The following SMAP1 variants were observed in gnomAD, a reference collection of about 807,000 sequenced individuals.
SMAP1 encodes the protein stromal membrane-associated protein 1.
SMAP1 carries 24 observed loss-of-function variants against 58.5 expected under a neutral mutation model. That is an observed-to-expected ratio of 0.41 (90% CI 0.30 to 0.58). SMAP1 has a LOEUF of 0.58. Among genes scored for constraint, SMAP1 ranks in the 20% least tolerant of loss-of-function variants. The pLI is 0.29. For missense variants in SMAP1, 563 were observed against 566.3 expected (o/e 0.99, Z 0.06); for synonymous variants, 216 against 196.6 (o/e 1.10, Z -0.82).
intron 4 of SMAP1, among the ~76,000 whole-genome samples, chr6:70,773,974 A>G (rs116976388): frequency 2.0e-5 from 3 of 152,204 alleles, no homozygotes; most frequent in Non-Finnish European, 4.4e-5. Context: ...CGTTGGTCCT[A>G]TAAGTTTATA....
chr6:70,710,805 A>G (rs1768026443), intron 1 of SMAP1, among the ~76,000 whole-genome samples: 1 of 152,202 alleles, frequency 6.6e-6, no homozygotes, highest in Non-Finnish European at 1.5e-5. Flanking sequence ...GTACAGCTAT[A>G]CAAGGCATTT....
intron 6 of SMAP1, among the ~76,000 whole-genome samples, chr6:70,816,754 A>G (rs1056322213): frequency 1.3e-4 from 20 of 152,220 alleles, no homozygotes; most frequent in Non-Finnish European, 2.6e-4. Context: ...AGTAGTTGTC[A>G]CTACCACTGC....
intron 1 of SMAP1, among the ~76,000 whole-genome samples, chr6:70,679,849 C>T (rs1254228684): frequency 1.3e-5 from 2 of 152,040 alleles, no homozygotes; most frequent in Admixed American, 6.6e-5. Context: ...AGTCAGAATC[C>T]CAGAAGGCTT....
chr6:70,712,985 G>A (rs1284697348), intron 1 of SMAP1, among the ~76,000 whole-genome samples: 5 of 151,482 alleles, frequency 3.3e-5, no homozygotes, highest in African/African-American at 1.2e-4. Flanking sequence ...TAGAGATGGG[G>A]TTTCACCATG....
intron 6 of SMAP1, among the ~76,000 whole-genome samples, chr6:70,835,893 A>G (rs1770561563): frequency 6.6e-6 from 1 of 152,136 alleles, no homozygotes; most frequent in Non-Finnish European, 1.5e-5. Context: ...GTCCTACGCA[A>G]TGTTTTTTGT....
intron 1 of SMAP1, among the ~76,000 whole-genome samples, chr6:70,680,636 A>G (rs1210571626): frequency 6.6e-6 from 1 of 152,128 alleles, no homozygotes; most frequent in African/African-American, 2.4e-5. Context: ...TGGATGAGTC[A>G]TAAAAACATT....
intron 6 of SMAP1, among the ~76,000 whole-genome samples, chr6:70,814,084 T>C (rs1338641913): frequency 1.3e-5 from 2 of 152,166 alleles, no homozygotes; most frequent in Non-Finnish European, 2.9e-5. Context: ...CTATTTATAG[T>C]AAAGCATCTT....
At chr6:70,846,132 AGAG>A (rs1234744046) in intron 7 of SMAP1, among the ~76,000 whole-genome samples, 1 of 152,196 alleles carries the variant, frequency 6.6e-6, no homozygotes, top group Non-Finnish European at 1.5e-5. Flanking sequence ...GTAAGTAGGA[AGAG>A]GACTGAAAAG....
At chr6:70,797,486 T>C (rs1768652206) in intron 5 of SMAP1, among the ~76,000 whole-genome samples, 1 of 152,124 alleles carries the variant, frequency 6.6e-6, no homozygotes, top group Admixed American at 6.5e-5. Context: ...ATTTTTATCA[T>C]CATCGTCTTT....
chr6:70,787,247 T>C (rs1362341020), intron 4 of SMAP1, among the ~76,000 whole-genome samples: 1 of 152,234 alleles, frequency 6.6e-6, no homozygotes, highest in Non-Finnish European at 1.5e-5. Flanking sequence ...GCTAGCCATA[T>C]GTAGAAAGCT....
chr6:70,672,539 AGGTAATTAT>A (rs1766311829), intron 1 of SMAP1, among the ~76,000 whole-genome samples: 1 of 152,186 alleles, frequency 6.6e-6, no homozygotes, highest in Non-Finnish European at 1.5e-5. Flanking sequence ...AACATTATTT[AGGTAATTAT>A]GGGGTACACT....
chr6:70,854,177 C>T (rs1297091339), intron 8 of SMAP1, among the ~76,000 whole-genome samples: 1 of 152,150 alleles, frequency 6.6e-6, no homozygotes, highest in African/African-American at 2.4e-5. Flanking sequence ...CCTGGTAGGA[C>T]ATAGGGTTAA....
intron 9 of SMAP1, 101 bp from the exon 10 acceptor site, chr6:70,857,821 T>C (rs530180856): frequency 4.6e-6 from 6 of 1,290,518 alleles, no homozygotes; most frequent in East Asian, 4.7e-5. Flanking sequence ...TTAAAATGTT[T>C]GCTGTGAGTA....
chr6:70,710,962 C>T (rs940315920), intron 1 of SMAP1, among the ~76,000 whole-genome samples: 8 of 152,192 alleles, frequency 5.3e-5, no homozygotes, highest in African/African-American at 1.7e-4. Context: ...CCTCTTTCAC[C>T]TTCACATCCT....
rs568561538 is a variant in SMAP1 at position 70,851,075 on chromosome 6, G to A, written c.665-1465G>A. 1.4e-4 allele frequency among the ~76,000 whole-genome samples: 21 copies of A among 152,088 alleles called. No homozygotes were observed. In the South Asian group the frequency reaches 4.4e-3, roughly 32 times the overall value. ...TGTCCATAGTACTTGATATAGATAT[G>A]TATAATACATATCAATATATTTCTT... On this transcript the variant is annotated intron_variant, in intron 7 of 10. Coordinates refer to ENST00000370455, the MANE Select transcript of SMAP1 (RefSeq NM_001044305.3).
chr6:70,859,533 T>TCTAA (rs768662895), intron 10 of SMAP1: 99 of 645,882 alleles, frequency 1.5e-4, no homozygotes, highest in Non-Finnish European at 1.7e-4. Flanking sequence ...AAGAACACAG[T>TCTAA]CTAACTCTGA....
chr6:70,775,352 A>G (rs1767505371), intron 4 of SMAP1, among the ~76,000 whole-genome samples: 1 of 152,176 alleles, frequency 6.6e-6, no homozygotes, highest in African/African-American at 2.4e-5. Flanking sequence ...CTTAGCAATA[A>G]TTAGGAAATT....
chr6:70,718,642 C>G (rs1238764126), intron 1 of SMAP1, among the ~76,000 whole-genome samples: 2 of 151,878 alleles, frequency 1.3e-5, no homozygotes, highest in East Asian at 3.9e-4. Flanking sequence ...CAACATGATC[C>G]AATCCCGTCT....
At chr6:70,771,610 C>T (rs889225810) in intron 3 of SMAP1, among the ~76,000 whole-genome samples, 1 of 152,158 alleles carries the variant, frequency 6.6e-6, no homozygotes, top group Non-Finnish European at 1.5e-5. Context: ...CGGAAAAGCG[C>T]GGTGTTGGGG....
Sources: gnomAD v4.1 joint callset for allele counts (sites outside exome capture counted in the v4.1 genomes callset) on GRCh38, gnomAD v4.1.1 for gene constraint, MANE v1.5 for transcripts, NCBI Gene and HGNC (gene_info 2026-07-23, HGNC 2026-07-21) for gene names.